The following TNFAIP8L3 variants were observed in gnomAD, a reference collection of about 807,000 sequenced individuals.
TNFAIP8L3 encodes tumor necrosis factor alpha-induced protein 8-like protein 3.
Under a neutral mutation model 11.8 loss-of-function variants are expected in TNFAIP8L3, and 7 were observed. The observed-to-expected ratio is 0.59, with a 90% CI of 0.34 to 1.11. The LOEUF is 1.11. Among genes scored for constraint, TNFAIP8L3 ranks in the 50% most tolerant of loss-of-function variants. TNFAIP8L3 has a pLI of 0.03. For synonymous variants in TNFAIP8L3, 98 were observed against 103.8 expected (o/e 0.94, Z 0.34); for missense variants, 219 against 258.6 (o/e 0.85, Z 1.05).
intron 1 of TNFAIP8L3, among the ~76,000 whole-genome samples, chr15:51,100,833 G>A (rs1279157090): frequency 6.6e-6 from 1 of 152,126 alleles, no homozygotes; most frequent in South Asian, 2.1e-4. Context: ...TAGATTCTAG[G>A]CTGATGTGGG....
At chr15:51,076,501 T>A (rs2140972175) in intron 1 of TNFAIP8L3, among the ~76,000 whole-genome samples, 1 of 152,356 alleles carries the variant, frequency 6.6e-6, no homozygotes, top group East Asian at 1.9e-4. Flanking sequence ...TAGAATTTTT[T>A]ATACTTCATG....
At chr15:51,101,724 A>G (rs1392036120) in intron 1 of TNFAIP8L3, among the ~76,000 whole-genome samples, 2 of 151,954 alleles carry the variant, frequency 1.3e-5, no homozygotes, top group Non-Finnish European at 2.9e-5. Flanking sequence ...AGGTGGGCGG[A>G]TCATGAGGTC....
chr15:51,058,506 C>G (rs2065221658), intron 1 of TNFAIP8L3, 63 bp from the exon 2 acceptor site: 1 of 1,324,236 alleles, frequency 7.6e-7, no homozygotes, highest in Admixed American at 2.9e-5. Context: ...TACTTTTCCA[C>G]AAGTAAAACA....
At chr15:51,103,088 T>G (rs1211470235) in intron 1 of TNFAIP8L3, among the ~76,000 whole-genome samples, 1 of 152,148 alleles carries the variant, frequency 6.6e-6, no homozygotes, top group African/African-American at 2.4e-5. Context: ...CTCTCTTCTA[T>G]CTATCCAACA....
chr15:51,072,569 T>C (rs1336929447), intron 1 of TNFAIP8L3, among the ~76,000 whole-genome samples: 2 of 152,298 alleles, frequency 1.3e-5, no homozygotes, highest in Non-Finnish European at 2.9e-5. Context: ...TTTCCAGAGG[T>C]TTAAAGGTTT....
At chr15:51,089,236 C>A (rs1218317929) in intron 1 of TNFAIP8L3, among the ~76,000 whole-genome samples, 1 of 152,194 alleles carries the variant, frequency 6.6e-6, no homozygotes, top group African/African-American at 2.4e-5. Flanking sequence ...TCCATCCATC[C>A]ATCCGCCCAC....
chr15:51,086,406 G>A (rs549438566), intron 1 of TNFAIP8L3, among the ~76,000 whole-genome samples: 11 of 152,318 alleles, frequency 7.2e-5, no homozygotes, highest in African/African-American at 2.6e-4. Context: ...GCTAATGCAG[G>A]GAATGTCTGC....
chr15:51,081,304 A>G (rs2065390288), intron 1 of TNFAIP8L3, among the ~76,000 whole-genome samples: 1 of 152,172 alleles, frequency 6.6e-6, no homozygotes, highest in African/African-American at 2.4e-5. Flanking sequence ...AAGCTTCTGG[A>G]GTGTGGACAA....
At chr15:51,058,560 T>C in intron 1 of TNFAIP8L3, 117 bp from the exon 2 acceptor site, 1 of 961,036 alleles carries the variant, frequency 1.0e-6, no homozygotes, top group Non-Finnish European at 1.5e-6. Context: ...CTCATGTCTT[T>C]ATATTCCCTC....
At chr15:51,062,094 CAAAACCCTGTCTCTAGGAA>C (rs2065245491) in intron 1 of TNFAIP8L3, among the ~76,000 whole-genome samples, 1 of 151,952 alleles carries the variant, frequency 6.6e-6, no homozygotes, top group Non-Finnish European at 1.5e-5. Context: ...GGCAACATGG[CAAAACCCTGTCTCTAGGAA>C]AAATACAAAA....
At chr15:51,075,841 A>G (rs2065345582) in intron 1 of TNFAIP8L3, among the ~76,000 whole-genome samples, 1 of 152,186 alleles carries the variant, frequency 6.6e-6, no homozygotes, top group African/African-American at 2.4e-5. Context: ...AAGGTGCTCT[A>G]ATTAATTAAT....
At chr15:51,070,592 T>A (rs1371781886) in intron 1 of TNFAIP8L3, among the ~76,000 whole-genome samples, 2 of 152,120 alleles carry the variant, frequency 1.3e-5, no homozygotes, top group Non-Finnish European at 2.9e-5. Context: ...GTGGCAGAGC[T>A]GGATTGGGCA....
chr15:51,081,426 C>T (rs891614760), intron 1 of TNFAIP8L3, among the ~76,000 whole-genome samples: 1 of 152,166 alleles, frequency 6.6e-6, no homozygotes, highest in Non-Finnish European at 1.5e-5. Context: ...GCAGCCATGA[C>T]GGGACTCAGT....
At chr15:51,090,266 T>G (rs1017406292) in intron 1 of TNFAIP8L3, among the ~76,000 whole-genome samples, 1 of 152,198 alleles carries the variant, frequency 6.6e-6, no homozygotes, top group Non-Finnish European at 1.5e-5. Context: ...CTTCTGTTGT[T>G]GATTTCTCTG....
chr15:51,065,152 G>A lies in TNFAIP8L3; in HGVS notation c.53-6709C>T, dbSNP rs115937177. Among the ~76,000 whole-genome samples, 679 of 152,236 alleles carry A rather than the reference G, an allele frequency of 4.5e-3. 5 individuals carry two copies. Among genetic ancestry groups the A allele is most frequent in the African/African-American group, 0.015 (634 of 41,532 alleles). On this transcript the variant is annotated intron_variant, in intron 1 of 1. Coordinates refer to ENST00000637513, the MANE Select transcript of TNFAIP8L3 (RefSeq NM_001311175.2). ...AAATTCATCCTGGTAGAAAGACAGG[G>A]GGCTTCCTTAAACCAAGATTGATAG...
At chr15:51,097,593 A>G (rs1044409456), upstream of TNFAIP8L3, among the ~76,000 whole-genome samples, 1 of 152,230 alleles carries the variant, frequency 6.6e-6, no homozygotes, top group Non-Finnish European at 1.5e-5. Flanking sequence ...TCCAAACTAA[A>G]CAAGGTCTCG....
chr15:51,083,000 A>T (rs1300202965), intron 1 of TNFAIP8L3, among the ~76,000 whole-genome samples: 1 of 152,238 alleles, frequency 6.6e-6, no homozygotes, highest in Non-Finnish European at 1.5e-5. Context: ...ATCCTGGCTG[A>T]TGGGGAATAC....
At chr15:51,091,090 T>C (rs1007046024) in intron 1 of TNFAIP8L3, among the ~76,000 whole-genome samples, 1 of 152,104 alleles carries the variant, frequency 6.6e-6, no homozygotes, top group African/African-American at 2.4e-5. Context: ...GAATCCAGTG[T>C]TCCATAAACC....
chr15:51,057,917 T>C lies in TNFAIP8L3; in HGVS notation c.579A>G (p.Glu193=), dbSNP rs748605732. 1 of 1,595,342 alleles carries C rather than the reference T, an allele frequency of 6.3e-7. No homozygotes were observed. The highest frequency in any genetic ancestry group is 1.3e-5 in the African/African-American group (1 of 74,226). ...TCTCATCTAGCAACTTATTGATTCC[T>C]TCACAAATCCTCTTGAGGTTGGGCC... ...DCRPNLKRIC[E]GINKLLDEKV... The change falls in exon 2 of 2, where the codon GAA becomes GAG. Residue 193 remains glutamate (E), a synonymous_variant. Coordinates refer to ENST00000637513, the MANE Select transcript of TNFAIP8L3 (RefSeq NM_001311175.2).
Sources: allele counts gnomAD v4.1 joint callset (sites outside exome capture counted in the v4.1 genomes callset), GRCh38; gene constraint gnomAD v4.1.1; transcripts MANE v1.5; gene names NCBI Gene and HGNC (gene_info 2026-07-23, HGNC 2026-07-21).